The following CAPZB variants were observed in gnomAD, a reference collection of about 807,000 sequenced individuals.
CAPZB encodes the protein capping actin protein of muscle Z-line subunit beta, also known as F-actin-capping protein subunit beta.
CAPZB carries 2 observed loss-of-function variants against 38.1 expected under a neutral mutation model. The observed-to-expected ratio is 0.05, with a 90% CI of 0.02 to 0.17. The LOEUF is 0.17. Among genes scored for constraint, CAPZB ranks in the 10% least tolerant of loss-of-function variants. CAPZB has a pLI of 1.00. For synonymous variants in CAPZB, 107 were observed against 127.4 expected (o/e 0.84, Z 1.08); for missense variants, 161 against 334.2 (o/e 0.48, Z 4.04).
chr1:19,341,933 GCTCT>G (rs2093931514), intron 8 of CAPZB, among the ~76,000 whole-genome samples: 3 of 152,190 alleles, frequency 2.0e-5, no homozygotes, highest in Non-Finnish European at 4.4e-5. Flanking sequence ...CTGGACCTGG[GCTCT>G]GCAGCCCCAG....
chr1:19,453,177 T>C (rs2094522236), intron 1 of CAPZB, among the ~76,000 whole-genome samples: 1 of 152,166 alleles, frequency 6.6e-6, no homozygotes, highest in Admixed American at 6.5e-5. Flanking sequence ...TTCTTGTGAC[T>C]GTTAGACTTA....
intron 2 of CAPZB, among the ~76,000 whole-genome samples, chr1:19,390,954 C>T (rs2094230619): frequency 6.6e-6 from 1 of 152,114 alleles, no homozygotes; most frequent in Non-Finnish European, 1.5e-5. Context: ...GAAACAGGGC[C>T]TTAGAGAAAT....
chr1:19,360,134 G>C (rs1033971505), intron 4 of CAPZB, among the ~76,000 whole-genome samples: 1 of 152,176 alleles, frequency 6.6e-6, no homozygotes, highest in Non-Finnish European at 1.5e-5. Context: ...TGGGCTCCGT[G>C]AGCCTTTCTG....
intron 1 of CAPZB, among the ~76,000 whole-genome samples, chr1:19,468,609 C>T (rs986496380): frequency 1.3e-5 from 2 of 152,042 alleles, no homozygotes; most frequent in African/African-American, 4.8e-5. Flanking sequence ...GGAGAGTGTA[C>T]TGAAATAGAA....
intron 1 of CAPZB, among the ~76,000 whole-genome samples, chr1:19,451,236 G>T (rs1468851198): frequency 6.6e-6 from 1 of 152,162 alleles, no homozygotes; most frequent in African/African-American, 2.4e-5. Flanking sequence ...AAATGCCCAG[G>T]GTCCACACAA....
intron 1 of CAPZB, among the ~76,000 whole-genome samples, chr1:19,461,093 G>T (rs2094550106): frequency 8.0e-6 from 1 of 125,232 alleles, no homozygotes; most frequent in South Asian, 3.1e-4. Context: ...CCCTGGGCGG[G>T]GGCGGGGGGG....
intron 6 of CAPZB, among the ~76,000 whole-genome samples, chr1:19,345,557 CT>C (rs2093955656): frequency 6.6e-6 from 1 of 152,262 alleles, no homozygotes. Flanking sequence ...CAGGCACCAG[CT>C]CACCCGAGCC....
Position 19,353,624 on chromosome 1 carries a change from TC to T in CAPZB, c.588+3010del, listed in dbSNP as rs2094003989. On this transcript the variant is annotated intron_variant, in intron 6 of 8. Transcript: ENST00000264202. ...TCTCTCCTTGATGACTGTAACAGCTTCCCCCTGACCACCCATCCCCCAAGCC... is the reference window on the plus strand; with the variant it reads ...TCTCTCCTTGATGACTGTAACAGCTTCCCCTGACCACCCATCCCCCAAGCC... 2.6e-5 allele frequency among the ~76,000 whole-genome samples: 4 copies of T among 151,860 alleles called. No homozygotes were observed. The South Asian group carries it at 6.2e-4, about 24-fold the overall frequency.
rs1017584148 is a variant in CAPZB, at chr1:19,391,789, C to A, written c.94-6163G>T. ...CACTGTTCCATAAACCCCGAATGCC[C>A]GCTCCAGGCCCGTGTCAGGTGCAAG... On this transcript the variant is annotated intron_variant, in intron 2 of 8. Coordinates refer to ENST00000264202, the MANE Select transcript of CAPZB (RefSeq NM_004930.5). Among the ~76,000 whole-genome samples, 3 of 152,164 alleles carry A rather than the reference C, an allele frequency of 2.0e-5. No individual in the cohort carries two copies. The East Asian group carries it at 5.8e-4, about 29-fold the overall frequency.
chr1:19,352,606 C>T (rs1234951793), intron 6 of CAPZB, among the ~76,000 whole-genome samples: 1 of 152,196 alleles, frequency 6.6e-6, no homozygotes, highest in Non-Finnish European at 1.5e-5. Flanking sequence ...GGCAGTGTAC[C>T]AGAGGGTACC....
At chr1:19,342,025 A>G (rs1021181394) in intron 8 of CAPZB, among the ~76,000 whole-genome samples, 43 of 152,322 alleles carry the variant, frequency 2.8e-4, no homozygotes, top group African/African-American at 1.0e-3. Context: ...CCTTCCCTAC[A>G]TCTGGATCTG....
intron 4 of CAPZB, among the ~76,000 whole-genome samples, chr1:19,368,547 C>T (rs1187341423): frequency 2.6e-5 from 4 of 151,246 alleles, no homozygotes; most frequent in African/African-American, 9.7e-5. Context: ...AAAAGGAACC[C>T]GCTGGGTGAC....
At chr1:19,461,335 G>A (rs890743420) in intron 1 of CAPZB, among the ~76,000 whole-genome samples, 2 of 152,182 alleles carry the variant, frequency 1.3e-5, no homozygotes, top group Admixed American at 1.3e-4. Context: ...GTCACACAGA[G>A]GGACAACTGA....
intron 2 of CAPZB, among the ~76,000 whole-genome samples, chr1:19,402,226 T>C (rs1163837703): frequency 1.3e-5 from 2 of 152,230 alleles, no homozygotes; most frequent in African/African-American, 4.8e-5. Context: ...AACACCTGAA[T>C]GGTCTGATTC....
chr1:19,369,495 T>A (rs2094108707), intron 4 of CAPZB, among the ~76,000 whole-genome samples: 1 of 152,230 alleles, frequency 6.6e-6, no homozygotes, highest in South Asian at 2.1e-4. Context: ...CAAGCCGGTG[T>A]CCCACAGCAG....
chr1:19,415,073 C>A (rs2094373130), intron 2 of CAPZB, among the ~76,000 whole-genome samples: 2 of 152,254 alleles, frequency 1.3e-5, no homozygotes, highest in Non-Finnish European at 2.9e-5. Context: ...CTCTTCAATA[C>A]CACTCTGTAA....
intron 1 of CAPZB, 21 bp downstream of exon 1, chr1:19,485,415 A>AG: frequency 8.2e-7 from 1 of 1,226,488 alleles, no homozygotes; most frequent in Non-Finnish European, 1.0e-6. Flanking sequence ...CGGGCCGGGG[A>AG]GGGGGCCGTG....
intron 2 of CAPZB, among the ~76,000 whole-genome samples, chr1:19,404,433 A>G (rs12403041): frequency 0.21 from 31,020 of 150,614 alleles, 3,489 homozygotes; most frequent in Admixed American, 0.25. Context: ...AGTTCCAGCT[A>G]TTCCAGACGC....
intron 1 of CAPZB, among the ~76,000 whole-genome samples, chr1:19,434,602 T>C (rs2094452209): frequency 6.6e-6 from 1 of 151,742 alleles, no homozygotes; most frequent in Non-Finnish European, 1.5e-5. Context: ...ATCACCATCT[T>C]CTTATACAGA....
Sources: allele counts gnomAD v4.1 joint callset (sites outside exome capture counted in the v4.1 genomes callset), GRCh38; gene constraint gnomAD v4.1.1; transcripts MANE v1.5; gene names NCBI Gene and HGNC (gene_info 2026-07-23, HGNC 2026-07-21).